The following AKAP19 variants were observed in gnomAD, a reference collection of about 807,000 sequenced individuals.
AKAP19 encodes small A-kinase anchoring protein.
chr2:190,051,539 T>G, the AKAP19 span, among the ~76,000 whole-genome samples: 1 of 152,176 alleles, frequency 6.6e-6, no homozygotes, highest in Non-Finnish European at 1.5e-5. Flanking sequence ...GGCCCTGCAG[T>G]TGCAGAGCTA....
chr2:189,973,894 C>A, the AKAP19 span, among the ~76,000 whole-genome samples: 122 of 152,066 alleles, frequency 8.0e-4, 1 homozygote, highest in Non-Finnish European at 2.2e-4. Context: ...GTCTTGCTAG[C>A]AGTCTATCAA....
At chr2:190,060,251 A>G in the AKAP19 span, 3 of 1,613,144 alleles carry the variant, frequency 1.9e-6, no homozygotes, top group Non-Finnish European at 8.5e-7. Context: ...GGATTCCAGT[A>G]TACCTTGTAC....
chr2:190,190,179 A>G, the AKAP19 span, among the ~76,000 whole-genome samples: 13 of 152,354 alleles, frequency 8.5e-5, no homozygotes, highest in East Asian at 2.5e-3. Context: ...AAGATATAGA[A>G]TTTTTTAATA....
the AKAP19 span, among the ~76,000 whole-genome samples, chr2:189,954,869 A>G: frequency 6.6e-6 from 1 of 152,226 alleles, no homozygotes; most frequent in Non-Finnish European, 1.5e-5. Flanking sequence ...AAATTACCAC[A>G]ATATTTACAT....
chr2:189,941,753 A>C, the AKAP19 span, among the ~76,000 whole-genome samples: 1 of 152,206 alleles, frequency 6.6e-6, no homozygotes, highest in African/African-American at 2.4e-5. Flanking sequence ...CAGGAAGAAA[A>C]GAAGAGAGGA....
the AKAP19 span, among the ~76,000 whole-genome samples, chr2:189,915,449 C>A: frequency 6.6e-6 from 1 of 151,976 alleles, no homozygotes; most frequent in African/African-American, 2.4e-5. Flanking sequence ...TATCATTTGT[C>A]ATAGGATGTA....
the AKAP19 span, among the ~76,000 whole-genome samples, chr2:190,157,644 CA>C: frequency 6.6e-6 from 1 of 151,710 alleles, no homozygotes; most frequent in Non-Finnish European, 1.5e-5. Flanking sequence ...TTTAAATGAG[CA>C]CAGATAATTG....
At chr2:190,006,907 A>G in the AKAP19 span, among the ~76,000 whole-genome samples, 4 of 151,446 alleles carry the variant, frequency 2.6e-5, no homozygotes, top group East Asian at 7.9e-4. Context: ...ATAGTCCCAG[A>G]TACTCTGGAG....
At chr2:190,132,805 A>C in the AKAP19 span, among the ~76,000 whole-genome samples, 1 of 152,208 alleles carries the variant, frequency 6.6e-6, no homozygotes, top group East Asian at 1.9e-4. Context: ...CAAACTAAAA[A>C]GCTCTGCACA....
chr2:189,968,674 A>AT, the AKAP19 span, among the ~76,000 whole-genome samples: 2 of 152,184 alleles, frequency 1.3e-5, no homozygotes. Context: ...GAGTAGAAGA[A>AT]TGAAAAAAGA....
At chr2:189,991,534 G>C in the AKAP19 span, among the ~76,000 whole-genome samples, 1 of 151,916 alleles carries the variant, frequency 6.6e-6, no homozygotes, top group African/African-American at 2.4e-5. Context: ...CCCACTTTTT[G>C]ATGGGATTAT....
chr2:190,115,717 A>G, the AKAP19 span, among the ~76,000 whole-genome samples: 128 of 152,226 alleles, frequency 8.4e-4, no homozygotes, highest in African/African-American at 3.0e-3. Flanking sequence ...CACTAGAGAC[A>G]CTGTTCATGT....
At chr2:189,931,736 A>G in the AKAP19 span, among the ~76,000 whole-genome samples, 1 of 152,022 alleles carries the variant, frequency 6.6e-6, no homozygotes, top group Admixed American at 6.6e-5. Context: ...CTCCCACCTC[A>G]GCCTCCCAAG....
chr2:189,977,939 A>G, the AKAP19 span, among the ~76,000 whole-genome samples: 1 of 152,354 alleles, frequency 6.6e-6, no homozygotes, highest in East Asian at 1.9e-4. Context: ...TTTCAGTACA[A>G]TATTCAATAA....
the AKAP19 span, among the ~76,000 whole-genome samples, chr2:189,950,352 T>A: frequency 6.6e-6 from 1 of 150,686 alleles, no homozygotes; most frequent in South Asian, 2.1e-4. Context: ...TTTTTGTTTT[T>A]TTTTTTAAGG....
the AKAP19 span, among the ~76,000 whole-genome samples, chr2:190,116,470 C>T: frequency 1.3e-5 from 2 of 152,312 alleles, no homozygotes; most frequent in African/African-American, 4.8e-5. Context: ...CATCTCCCAA[C>T]ACCGTAGCAT....
chr2:190,053,519 C>T, the AKAP19 span, among the ~76,000 whole-genome samples: 3 of 151,974 alleles, frequency 2.0e-5, no homozygotes, highest in Non-Finnish European at 4.4e-5. Context: ...TTTCATTGCT[C>T]GACATCTTAC....
chr2:189,946,010 T>C, the AKAP19 span, among the ~76,000 whole-genome samples: 1 of 152,194 alleles, frequency 6.6e-6, no homozygotes, highest in Non-Finnish European at 1.5e-5. Flanking sequence ...GATGGTATAA[T>C]GTAACAAGTT....
the AKAP19 span, among the ~76,000 whole-genome samples, chr2:190,011,403 G>A: frequency 2.6e-5 from 4 of 152,010 alleles, no homozygotes; most frequent in African/African-American, 9.7e-5. Context: ...TCTGCTAATT[G>A]TTTTCTTTGC....
Sources: gnomAD v4.1 joint callset for allele counts (sites outside exome capture counted in the v4.1 genomes callset) on GRCh38, gnomAD v4.1.1 for gene constraint, MANE v1.5 for transcripts, NCBI Gene and HGNC (gene_info 2026-07-23, HGNC 2026-07-21) for gene names.